ADCY5: variants seen among roughly 807,000 people sequenced by gnomAD.
ADCY5 encodes adenylate cyclase type 5.
Under a neutral mutation model 119.7 loss-of-function variants are expected in ADCY5, and 30 were observed. The observed-to-expected ratio is 0.25, with a 90% CI of 0.19 to 0.34. ADCY5 has a LOEUF of 0.34. ADCY5 is among the 10% of genes least tolerant of loss of function. The pLI, the probability that ADCY5 is intolerant of heterozygous loss-of-function variation, is 1.00. For synonymous variants in ADCY5, 753 were observed against 762.2 expected, an observed-to-expected ratio of 0.99 and a Z score of 0.20; for missense variants, 1,324 against 1,775.2, an observed-to-expected ratio of 0.75 and a Z score of 4.57.
At chr3:123,346,885 C>T (rs2108477045) in intron 3 of ADCY5, among the ~76,000 whole-genome samples, 1 of 152,260 alleles carries the variant, frequency 6.6e-6, no homozygotes, top group African/African-American at 2.4e-5. Context: ...GGATGAAGGC[C>T]ACTGTATCGC....
At chr3:123,386,337 C>T (rs1411702145) in intron 1 of ADCY5, among the ~76,000 whole-genome samples, 1 of 152,196 alleles carries the variant, frequency 6.6e-6, no homozygotes, top group African/African-American at 2.4e-5. Context: ...GACCCCACGG[C>T]ATACCAGTGG....
intron 1 of ADCY5, among the ~76,000 whole-genome samples, chr3:123,423,877 G>T (rs575698182): frequency 1.3e-5 from 2 of 152,368 alleles, no homozygotes; most frequent in East Asian, 3.9e-4. Flanking sequence ...CTCAGCCCCT[G>T]ATGTCCTTGG....
Position 123,286,691 on chromosome 3 carries a change from G to A in ADCY5, c.3651C>T (p.Arg1217=). The part of the protein sequence containing the change: ...SRMDSTGVPD[R]IQVTTDMYQV... ...TGGATGCTCCTGCACTCACCTGGAT[G>A]CGGTCGGGTACACCGGTGCTGTCCA... The change falls in exon 20 of 21, where the codon CGC becomes CGT. Residue 1217 remains arginine (R), a synonymous_variant. Coordinates refer to ENST00000462833, the MANE Select transcript of ADCY5 (RefSeq NM_183357.3). The surrounding 1 kb of genome is among the most constrained non-coding windows in gnomAD (Gnocchi z 4.2). 2 of 1,610,582 alleles carry A rather than the reference G, an allele frequency of 1.2e-6. No individual in the cohort carries two copies.
At chr3:123,284,825 C>A (rs1464830774) in intron 20 of ADCY5, 89 bp from the exon 21 acceptor site, 8 of 1,541,324 alleles carry the variant, frequency 5.2e-6, no homozygotes, top group Non-Finnish European at 7.1e-6. Context: ...ACTGCCCAGC[C>A]CTGTTGCCGC....
Position 123,448,395 on chromosome 3 carries a change from G to A in ADCY5, c.151C>T (p.Arg51Cys), listed in dbSNP as rs975210243. 1.3e-5 allele frequency: 19 copies of A among 1,449,450 alleles called. No individual in the cohort carries two copies. The highest frequency in any genetic ancestry group is 1.6e-5 in the Non-Finnish European group (18 of 1,108,116). 89.8% of individuals were successfully genotyped at this position (1,449,450 alleles called of 1,614,324 possible). A position where few individuals can be genotyped will look rare whatever the true frequency, so the allele number is the denominator to read the frequency against. ...CCCCCGGGTTTCTTGGTGGAGCCGC[G>A]GGCAGAGCCCCCGGGGGCATGGGGG... ...GYPHAPGGSA[R>C]GSTKKPGGAV... Residue 51 changes from arginine (R) to cysteine (C), a missense_variant, in exon 1 of 21, where the codon CGC (arginine) becomes TGC (cysteine). Coordinates refer to ENST00000462833, the MANE Select transcript of ADCY5 (RefSeq NM_183357.3).
rs755824193 is a variant in ADCY5 at position 123,318,022 on chromosome 3, G to A, written c.2352C>T (p.Pro784=). ...CCAAGAGGGACGGGGATACTCACTG[G>A]GGCACGATGGTGATCTGGACAAAGC... ...FICFVQITIV[P]HSIFMLSFYL... The change falls in exon 11 of 21, where the codon CCC becomes CCT. Residue 784 remains proline (P), a splice_region_variant and synonymous_variant. Coordinates refer to ENST00000462833, the MANE Select transcript of ADCY5 (RefSeq NM_183357.3). 1.2e-6 allele frequency: 2 copies of A among 1,613,138 alleles called. No homozygotes were observed. Among genetic ancestry groups the A allele is most frequent in the Admixed American group, 1.7e-5 (1 of 60,024 alleles).
chr3:123,323,784 C>T (rs553079004), intron 8 of ADCY5, among the ~76,000 whole-genome samples: 5 of 152,276 alleles, frequency 3.3e-5, no homozygotes, highest in Admixed American at 6.5e-5. Flanking sequence ...CTCAGCCTCC[C>T]GAGTAGCTAG....
intron 16 of ADCY5, chr3:123,297,144 C>A: frequency 1.4e-6 from 2 of 1,407,440 alleles, no homozygotes; most frequent in South Asian, 2.5e-5. Context: ...CTACAGATCA[C>A]CTTGGCAGGG....
chr3:123,445,002 T>C (rs1007952264), intron 1 of ADCY5, among the ~76,000 whole-genome samples: 2 of 152,202 alleles, frequency 1.3e-5, no homozygotes, highest in Non-Finnish European at 1.5e-5. Flanking sequence ...ACAAATTTTA[T>C]ATGAGGCATA....
Position 123,448,123 on chromosome 3 carries a change from C to T in ADCY5, c.423G>A (p.Ala141=). The T allele has an allele frequency of 9.4e-7, 1 of 1,066,446 alleles. No individual in the cohort carries two copies. The highest frequency in any genetic ancestry group is 1.1e-6 in the Non-Finnish European group (1 of 887,280). The allele number at this position is 1,066,446 out of a possible 1,614,324, so 66.1% of individuals were successfully genotyped here. The change falls in exon 1 of 21, where the codon GCG becomes GCA. Residue 141 remains alanine (A), a synonymous_variant. Coordinates refer to ENST00000462833, the MANE Select transcript of ADCY5 (RefSeq NM_183357.3). ...PPAGGGGGSA[A]AAASAGGTEV... is the part of the protein sequence containing the mutation. ...CCGTCCCGCCCGCCGAGGCAGCCGC[C>T]GCCGCCGAGCCGCCGCCGCCGCCCG...
intron 11 of ADCY5, among the ~76,000 whole-genome samples, chr3:123,317,728 C>T (rs1402873113): frequency 6.8e-6 from 1 of 147,542 alleles, no homozygotes; most frequent in Non-Finnish European, 1.5e-5. Flanking sequence ...GAGCGAGACG[C>T]TGTGTCCCCA....
chr3:123,369,465 A>C (rs1943561114), intron 1 of ADCY5, among the ~76,000 whole-genome samples: 1 of 152,224 alleles, frequency 6.6e-6, no homozygotes, highest in Non-Finnish European at 1.5e-5. Context: ...GCCACTAAGC[A>C]TTTGGAGATG....
intron 11 of ADCY5, among the ~76,000 whole-genome samples, chr3:123,315,761 C>T (rs1271012002): frequency 6.6e-6 from 1 of 151,998 alleles, no homozygotes. Context: ...TCACCACGCC[C>T]GGCTGATTTT....
chr3:123,415,086 G>A (rs1034875264), intron 1 of ADCY5, among the ~76,000 whole-genome samples: 3 of 152,186 alleles, frequency 2.0e-5, no homozygotes, highest in Admixed American at 6.5e-5. Flanking sequence ...ACATCACCAG[G>A]GAGAGGATCC....
At chr3:123,341,689 A>G (rs1576597273) in intron 3 of ADCY5, among the ~76,000 whole-genome samples, 1 of 150,662 alleles carries the variant, frequency 6.6e-6, no homozygotes, top group African/African-American at 2.4e-5. Context: ...TTTTTTTTTT[A>G]AAGACCCAAC....
chr3:123,419,052 C>T (rs184244725), intron 1 of ADCY5: 91 of 755,840 alleles, frequency 1.2e-4, no homozygotes, highest in Middle Eastern at 6.7e-4. Flanking sequence ...TCTCAGTCTC[C>T]GTAACGGCAT....
chr3:123,383,663 G>A (rs1293088105), intron 1 of ADCY5, among the ~76,000 whole-genome samples: 3 of 151,956 alleles, frequency 2.0e-5, no homozygotes, highest in African/African-American at 7.3e-5. Flanking sequence ...CAGCAACAGC[G>A]ACGGCTCCCT....
rs541906617 is a variant in ADCY5 at position 123,352,343 on chromosome 3, G to A, written c.1284+89C>T. The A allele has an allele frequency of 6.9e-6, 10 of 1,453,628 alleles. No homozygotes were observed. The East Asian group carries it at 2.1e-4, about 31-fold the overall frequency. 90.0% of individuals were successfully genotyped at this position (1,453,628 alleles called of 1,614,324 possible). On this transcript the variant is annotated intron_variant, in intron 2 of 20. Transcript: ENST00000462833. The surrounding 1 kb of genome is among the most constrained non-coding windows in gnomAD (Gnocchi z 4.8). ...GGAGTGGGGCTGGCAGCCGTAATAA[G>A]CACTGCCCGCCCTAGGCCAGGCACT...
chr3:123,329,742 C>T (rs555597454), intron 5 of ADCY5, among the ~76,000 whole-genome samples: 2 of 152,302 alleles, frequency 1.3e-5, no homozygotes, highest in South Asian at 2.1e-4. Context: ...CCCCATCCCA[C>T]GCCATCAGCA....
Sources: allele counts gnomAD v4.1 joint callset (sites outside exome capture counted in the v4.1 genomes callset), GRCh38; gene constraint gnomAD v4.1.1; non-coding constraint Gnocchi (gnomAD v3.1); transcripts MANE v1.5; gene names NCBI Gene and HGNC (gene_info 2026-07-23, HGNC 2026-07-21).